RTRAF: variants seen among roughly 807,000 people sequenced by gnomAD.
RTRAF encodes the protein tRNA-splicing ligase complex subunit RTRAF.
A neutral mutation model predicts 34.4 loss-of-function variants in RTRAF; 14 were observed. The observed-to-expected ratio is 0.41, with a 90% CI of 0.27 to 0.64. The LOEUF is 0.64. RTRAF is among the 30% of genes least tolerant of loss of function. The pLI is 0.34. For missense variants in RTRAF, 291 were observed against 288.4 expected, an observed-to-expected ratio of 1.01 and a Z score of -0.06; for synonymous variants, 96 against 95.3, an observed-to-expected ratio of 1.01 and a Z score of -0.04.
rs1191682330 is a variant in RTRAF at position 52,005,469 on chromosome 14, CCTTTA to C, written c.*955_*959del. On this transcript the variant is annotated 3_prime_UTR_variant, in exon 8 of 8. Transcript: ENST00000261700. ...GTTCTGATTGTAAACTCCAAGTCTT[CCTTTA>C]CATTACTGTACTTACTTTCTTCCTG... is the stretch of plus-strand genomic sequence containing the variant. 1 of 1,585,178 alleles carries C rather than the reference CCTTTA, an allele frequency of 6.3e-7. No individual in the cohort carries two copies. Among genetic ancestry groups the C allele is most frequent in the Admixed American group, 1.8e-5 (1 of 54,398 alleles).
chr14:51,996,017 A>G (rs889022272), intron 3 of RTRAF, among the ~76,000 whole-genome samples: 3 of 152,048 alleles, frequency 2.0e-5, no homozygotes, highest in Non-Finnish European at 4.4e-5. Flanking sequence ...TATTTGTTTT[A>G]TTCTATTTGT....
Position 52,005,374 on chromosome 14 carries a change from C to A in RTRAF, c.*858C>A. The A allele has an allele frequency of 9.7e-7, 1 of 1,031,222 alleles. No individual in the cohort carries two copies. Among genetic ancestry groups the A allele is most frequent in the South Asian group, 2.7e-5 (1 of 36,612 alleles). The allele number at this position is 1,031,222 out of a possible 1,614,324, so 63.9% of individuals were successfully genotyped here. On this transcript the variant is annotated 3_prime_UTR_variant, in exon 8 of 8. Coordinates refer to ENST00000261700, the MANE Select transcript of RTRAF (RefSeq NM_016039.3). ...CTACAAAATGTTCATCTTGGATGCT[C>A]AGGAACGTCTAATGGCCAATTCCTT...
chr14:51,999,381 T>C (rs1030291188), intron 4 of RTRAF: 3 of 200,168 alleles, frequency 1.5e-5, no homozygotes, highest in African/African-American at 6.9e-5. Flanking sequence ...AAAATTGTAG[T>C]TGGAACCACT....
At chr14:51,993,633 A>G in intron 2 of RTRAF, 90 bp from the exon 3 acceptor site, 1 of 757,122 alleles carries the variant, frequency 1.3e-6, no homozygotes, top group Admixed American at 2.8e-5. Context: ...TAGAGATCCA[A>G]ACTAAGGTCT....
At chr14:52,001,918 T>G in intron 6 of RTRAF, 52 bp downstream of exon 6, 1 of 1,456,152 alleles carries the variant, frequency 6.9e-7, no homozygotes, top group South Asian at 1.2e-5. Flanking sequence ...TCTTCTGGTA[T>G]GGCCGTGATT....
In RTRAF at chr14:52,005,466, C is replaced by T; in HGVS notation, c.*950C>T. Reference sequence around the variant, plus strand: ...CAGGTTCTGATTGTAAACTCCAAGTCTTCCTTTACATTACTGTACTTACTT... The same window carrying T: ...CAGGTTCTGATTGTAAACTCCAAGTTTTCCTTTACATTACTGTACTTACTT... On this transcript the variant is annotated 3_prime_UTR_variant, in exon 8 of 8. Coordinates refer to ENST00000261700, the MANE Select transcript of RTRAF (RefSeq NM_016039.3). The T allele has an allele frequency of 6.3e-7, 1 of 1,581,442 alleles. No individual in the cohort carries two copies. Among genetic ancestry groups the T allele is most frequent in the East Asian group, 2.2e-5 (1 of 44,690 alleles).
chr14:52,004,146 G>T, intron 6 of RTRAF, 48 bp from the exon 7 acceptor site: 2 of 1,500,988 alleles, frequency 1.3e-6, no homozygotes, highest in Non-Finnish European at 1.8e-6. Flanking sequence ...AGGAAAGGAT[G>T]CTATTCTTAA....
intron 4 of RTRAF, 77 bp from the exon 5 acceptor site, chr14:51,999,628 GTTT>G: frequency 1.0e-6 from 1 of 1,002,720 alleles, no homozygotes; most frequent in Non-Finnish European, 1.5e-6. Context: ...AGTTAAAAAT[GTTT>G]TTGTATGTTC....
chr14:51,999,997 G>T, intron 5 of RTRAF: 1 of 446,676 alleles, frequency 2.2e-6, no homozygotes, highest in East Asian at 3.2e-5. Context: ...CCTTTGCAAA[G>T]ATGTTCTCAT....
Position 52,003,887 on chromosome 14 carries a change from G to A in RTRAF, c.532-307G>A, listed in dbSNP as rs73301055. 3.5e-3 allele frequency: 1,057 copies of A among 300,108 alleles called. 10 individuals carry two copies. Among genetic ancestry groups the A allele is most frequent in the African/African-American group, 0.022 (992 of 46,056 alleles). The allele number at this position is 300,108 out of a possible 1,614,324, so 18.6% of individuals were successfully genotyped here. A position where few individuals can be genotyped will look rare whatever the true frequency, so the allele number is the denominator to read the frequency against. ...AGCCTGGCTCAACTTGCCTTCCATA[G>A]CAGTAATGACAAGGCACTGCTGCAA... On this transcript the variant is annotated intron_variant, in intron 6 of 7. Coordinates refer to ENST00000261700, the MANE Select transcript of RTRAF (RefSeq NM_016039.3).
At chr14:51,989,759 C>T (rs1187796519) in intron 1 of RTRAF, 59 bp downstream of exon 1, 4 of 1,511,342 alleles carry the variant, frequency 2.6e-6, no homozygotes, top group Non-Finnish European at 3.6e-6. Context: ...GTCCCAGCCT[C>T]AGTGCCCGCA....
At chr14:51,999,609 C>T in intron 4 of RTRAF, 99 bp from the exon 5 acceptor site, 1 of 734,640 alleles carries the variant, frequency 1.4e-6, no homozygotes. Context: ...AGATTTGTTG[C>T]TACCGAAAAG....
In RTRAF at chr14:52,010,417, C is replaced by G. The variant is rs1299242264; in HGVS notation, c.*5901C>G. 6.5e-6 allele frequency: 1 copy of G among 154,518 alleles called. No individual in the cohort carries two copies. The highest frequency in any genetic ancestry group is 1.4e-5 in the Non-Finnish European group (1 of 69,468). The allele number at this position is 154,518 out of a possible 1,614,324, so 9.6% of individuals were successfully genotyped here. Reference sequence around the variant, plus strand: ...AAAATGTTTATCTTGATTTCTGCTACAGCAACACTGAAGCCAGAGGTGTCT... The same window carrying G: ...AAAATGTTTATCTTGATTTCTGCTAGAGCAACACTGAAGCCAGAGGTGTCT... On this transcript the variant is annotated 3_prime_UTR_variant, in exon 8 of 8. Transcript: ENST00000261700.
intron 1 of RTRAF, 26 bp downstream of exon 1, chr14:51,989,726 G>T: frequency 6.3e-7 from 1 of 1,583,220 alleles, no homozygotes; most frequent in Non-Finnish European, 8.6e-7. Context: ...CAGCCCGGCC[G>T]CGTGTCCCTG....
At chr14:52,000,872 G>C (rs2140330532) in intron 5 of RTRAF, among the ~76,000 whole-genome samples, 1 of 152,258 alleles carries the variant, frequency 6.6e-6, no homozygotes, top group East Asian at 1.9e-4. Context: ...GCGTATTTGG[G>C]ATGCTTTTGT....
intron 5 of RTRAF, among the ~76,000 whole-genome samples, chr14:52,000,854 A>G (rs1890591007): frequency 6.6e-6 from 1 of 152,200 alleles, no homozygotes; most frequent in Non-Finnish European, 1.5e-5. Context: ...AGAGTCAGAC[A>G]ATGCATAGCG....
intron 2 of RTRAF, among the ~76,000 whole-genome samples, chr14:51,992,263 T>G (rs902090588): frequency 6.6e-6 from 1 of 152,220 alleles, no homozygotes; most frequent in Non-Finnish European, 1.5e-5. Context: ...ATCAGTTATA[T>G]TTGATGAGTG....
At chr14:52,002,815 GGCCAA>G (rs1423339641) in intron 6 of RTRAF, among the ~76,000 whole-genome samples, 2 of 152,208 alleles carry the variant, frequency 1.3e-5, no homozygotes, top group African/African-American at 4.8e-5. Context: ...CCTTTAGGCA[GGCCAA>G]GCAGTGTTAA....
Position 52,007,658 on chromosome 14 carries a change from T to C in RTRAF, c.*3142T>C, listed in dbSNP as rs1890839067. On this transcript the variant is annotated 3_prime_UTR_variant, in exon 8 of 8. Coordinates refer to ENST00000261700, the MANE Select transcript of RTRAF (RefSeq NM_016039.3). ...CCCAGAAAGTTCATTTTAAGACTCA[T>C]TTACTAGTACTTAAATTTACTAGTA... 1 of 725,780 alleles carries C rather than the reference T, an allele frequency of 1.4e-6. No individual in the cohort carries two copies. The highest frequency in any genetic ancestry group is 2.3e-6 in the Non-Finnish European group (1 of 427,928). 45.0% of individuals were successfully genotyped at this position (725,780 alleles called of 1,614,324 possible).
Sources: allele counts gnomAD v4.1 joint callset (sites outside exome capture counted in the v4.1 genomes callset), GRCh38; gene constraint gnomAD v4.1.1; transcripts MANE v1.5; gene names NCBI Gene and HGNC (gene_info 2026-07-23, HGNC 2026-07-21).